Variants in KDM6A observed in about 807,000 individuals in gnomAD.
KDM6A encodes the protein lysine-specific demethylase 6A.
Under a neutral mutation model 117.6 loss-of-function variants are expected in KDM6A, and 11 were observed. The observed-to-expected ratio is 0.09, with a 90% CI of 0.06 to 0.15. KDM6A has a LOEUF of 0.15. Among genes scored for constraint, KDM6A ranks in the 10% least tolerant of loss-of-function variants. The probability of loss-of-function intolerance (pLI) is 1.00; values close to 1 mark genes in which losing one functional copy is unlikely to be tolerated. For synonymous variants in KDM6A, 384 were observed against 396.1 expected (o/e 0.97, Z 0.36); for missense variants, 799 against 1,077.3 (o/e 0.74, Z 3.62).
intron 2 of KDM6A, among the ~76,000 whole-genome samples, chrX:44,924,011 C>A (rs1417106703): frequency 8.9e-6 from 1 of 112,411 alleles, no homozygotes; most frequent in Non-Finnish European, 1.9e-5. Flanking sequence ...GCATGAGCCA[C>A]TGTGCCCGGC....
chrX:44,927,248 C>A (rs907387369), intron 2 of KDM6A, among the ~76,000 whole-genome samples: 3 of 111,072 alleles, frequency 2.7e-5, no homozygotes, highest in African/African-American at 9.8e-5. Context: ...CCTTATCTCC[C>A]TTCAGTAGAG....
At chrX:44,913,823 G>A (rs1290226321) in intron 2 of KDM6A, among the ~76,000 whole-genome samples, 2 of 111,274 alleles carry the variant, frequency 1.8e-5, no homozygotes, top group African/African-American at 6.5e-5. Flanking sequence ...TGCCTGGGCA[G>A]AACTAGACAA....
At chrX:45,027,612 T>C (rs955564057) in intron 6 of KDM6A, among the ~76,000 whole-genome samples, 5 of 110,774 alleles carry the variant, frequency 4.5e-5, no homozygotes, top group Non-Finnish European at 9.4e-5. Context: ...GTGGTAGTTA[T>C]AAAACTATAA....
chrX:44,894,621 A>ATTT, intron 2 of KDM6A, among the ~76,000 whole-genome samples: 1 of 99,975 alleles, frequency 1.0e-5, no homozygotes, highest in East Asian at 3.1e-4. Flanking sequence ...TAATTAATTA[A>ATTT]TTTTTTTTTT....
At chrX:44,896,200 A>G (rs186769637) in intron 2 of KDM6A, among the ~76,000 whole-genome samples, 1 of 108,133 alleles carries the variant, frequency 9.2e-6, no homozygotes, top group Non-Finnish European at 1.9e-5. Flanking sequence ...CAGCCTCCCG[A>G]GTAGCTGGGA....
intron 5 of KDM6A, among the ~76,000 whole-genome samples, chrX:45,014,889 A>G (rs2041898591): frequency 9.0e-6 from 1 of 111,231 alleles, no homozygotes; most frequent in African/African-American, 3.3e-5. Flanking sequence ...ATGGCAGCAA[A>G]TGTAAGAGAT....
chrX:44,873,512 G>A lies in KDM6A; in HGVS notation c.-40G>A. On this transcript the variant is annotated 5_prime_UTR_variant, in exon 1 of 30. Transcript: ENST00000611820. ...CGTCACTGCGGGCCCCGGTCCGAGGGGGGGTGTCGGCGTTGGAGTTGTGAA... is the reference window on the plus strand; with the variant it reads ...CGTCACTGCGGGCCCCGGTCCGAGGAGGGGTGTCGGCGTTGGAGTTGTGAA... The A allele has an allele frequency of 1.7e-6, 2 of 1,209,082 alleles. No homozygotes were observed. Among genetic ancestry groups the A allele is most frequent in the Non-Finnish European group, 2.2e-6 (2 of 894,572 alleles).
intron 29 of KDM6A, among the ~76,000 whole-genome samples, 192 bp from the exon 30 acceptor site, chrX:45,111,190 A>G (rs920187642): frequency 9.0e-6 from 1 of 111,105 alleles, no homozygotes; most frequent in African/African-American, 3.3e-5. Flanking sequence ...TGAGTAGGAT[A>G]ATGGTCTTAG....
At chrX:44,960,697 T>A (rs2038619701) in intron 2 of KDM6A, among the ~76,000 whole-genome samples, 1 of 111,550 alleles carries the variant, frequency 9.0e-6, no homozygotes, top group African/African-American at 3.3e-5. Context: ...AGTGAGAGCA[T>A]GTGCATGAAT....
intron 2 of KDM6A, among the ~76,000 whole-genome samples, chrX:44,884,615 T>C (rs1242426343): frequency 8.9e-6 from 1 of 111,946 alleles, no homozygotes; most frequent in Admixed American, 9.6e-5. Context: ...CAGTATAAGA[T>C]AATATCTTGG....
intron 2 of KDM6A, among the ~76,000 whole-genome samples, chrX:44,922,449 T>G (rs2036019267): frequency 9.0e-6 from 1 of 111,679 alleles, no homozygotes; most frequent in South Asian, 3.7e-4. Flanking sequence ...TTGATGTCTT[T>G]TGTCCATTTT....
intron 2 of KDM6A, among the ~76,000 whole-genome samples, chrX:44,897,474 A>G (rs2033990772): frequency 9.0e-6 from 1 of 111,029 alleles, no homozygotes; most frequent in Non-Finnish European, 1.9e-5. Flanking sequence ...CTCCTCATTC[A>G]TAATATACTT....
In KDM6A at chrX:45,006,466, A is replaced by G. The variant is rs184835481; in HGVS notation, c.385-4495A>G. Among the ~76,000 whole-genome samples, 320 of 110,752 alleles carry G rather than the reference A, an allele frequency of 2.9e-3. 1 individual carries two copies. Among genetic ancestry groups the G allele is most frequent in the African/African-American group, 0.01 (304 of 30,341 alleles). On this transcript the variant is annotated intron_variant, in intron 4 of 29. Transcript: ENST00000611820. ...GCAATGGTGAGCGCACACTTGGACA[A>G]GGGAGGGGAGGGGGTTCTTATCCCT...
At position 45,070,161 on chromosome X, in the gene KDM6A, A is replaced by G. The variant is rs2148053059; in HGVS notation, c.2662A>G (p.Thr888Ala). 1 of 1,211,581 alleles carries G rather than the reference A, an allele frequency of 8.3e-7. No homozygotes were observed. The highest frequency in any genetic ancestry group is 1.7e-5 in the African/African-American group (1 of 57,824). Residue 888 changes from threonine to alanine, a missense_variant, in exon 18 of 30, where the codon ACA (threonine) becomes GCA (alanine). Thr to Ala is a moderately conservative substitution (Grantham distance 58). This residue lies in a region of KDM6A where 291 missense variants were observed against 437.9 expected (regional missense o/e 0.66). Coordinates refer to ENST00000611820, the MANE Select transcript of KDM6A (RefSeq NM_001291415.2). ...ATPSPKSTEQ[T>A]TTNSVTSLNS... The stretch of plus-strand genomic sequence containing the variant: ...ACCTTCTCCAAAATCCACTGAGCAG[A>G]CAACCACAAACAGTGTTACCAGCCT...
chrX:45,051,128 G>A (rs780971211), intron 8 of KDM6A, among the ~76,000 whole-genome samples: 12 of 111,487 alleles, frequency 1.1e-4, no homozygotes, highest in Non-Finnish European at 1.9e-4. Flanking sequence ...TCCTGCCTCA[G>A]CCTCCCGAGT....
intron 4 of KDM6A, among the ~76,000 whole-genome samples, chrX:44,989,351 G>A (rs1318808862): frequency 5.6e-5 from 6 of 106,897 alleles, no homozygotes; most frequent in Admixed American, 2.0e-4. Flanking sequence ...TGCACTTCCC[G>A]GGTGAGGTGA....
intron 2 of KDM6A, among the ~76,000 whole-genome samples, chrX:44,954,956 A>G (rs982691186): frequency 2.3e-4 from 26 of 111,466 alleles, no homozygotes; most frequent in Admixed American, 1.6e-3. Flanking sequence ...AAGACTTAGC[A>G]GTAATCAATT....
chrX:45,012,197 A>ATTTTTTTTTTTTTTTTTTT (rs760991442), intron 5 of KDM6A, among the ~76,000 whole-genome samples: 3 of 69,072 alleles, frequency 4.3e-5, no homozygotes, highest in African/African-American at 1.9e-4. Context: ...CCCAATGTAG[A>ATTTTTTTTTTTTTTTTTTT]TTTTTTTTTT....
At chrX:45,078,057 C>T (rs1485504901) in intron 19 of KDM6A, among the ~76,000 whole-genome samples, 2 of 112,281 alleles carry the variant, frequency 1.8e-5, no homozygotes, top group Non-Finnish European at 3.8e-5. Flanking sequence ...TTTCACTTAA[C>T]ATAATGTCCT....
Sources: allele counts gnomAD v4.1 joint callset (sites outside exome capture counted in the v4.1 genomes callset), GRCh38; gene constraint gnomAD v4.1.1; regional missense constraint gnomAD v4.1.1; transcripts MANE v1.5; gene names NCBI Gene and HGNC (gene_info 2026-07-23, HGNC 2026-07-21).